Variants in NEMP2 observed in about 807,000 individuals in gnomAD.
The protein encoded by NEMP2 is UPF0571 transmembrane protein.
NEMP2 carries 53 observed loss-of-function variants against 54.2 expected under a neutral mutation model. That is an observed-to-expected ratio of 0.98 (90% CI 0.78 to 1.23). The LOEUF is 1.23. NEMP2 is among the 50% of genes most tolerant of loss of function. NEMP2 has a pLI of 0.00. For synonymous variants in NEMP2, 197 were observed against 190.3 expected (o/e 1.04, Z -0.29); for missense variants, 455 against 511.3 (o/e 0.89, Z 1.06).
upstream of NEMP2, among the ~76,000 whole-genome samples, chr2:190,539,694 G>A (rs559452196): frequency 2.0e-5 from 3 of 152,110 alleles, no homozygotes; most frequent in South Asian, 6.2e-4. The surrounding 1 kb of genome is among the most constrained non-coding windows in gnomAD (Gnocchi z 4.1). Flanking sequence ...AAATGGGATT[G>A]GTTTCTTGAT....
chr2:190,440,304 A>G, the NEMP2 span, among the ~76,000 whole-genome samples: 8 of 152,236 alleles, frequency 5.3e-5, no homozygotes, highest in Non-Finnish European at 1.0e-4. Flanking sequence ...CTGACCTGTC[A>G]GTCTAAACAC....
the NEMP2 span, among the ~76,000 whole-genome samples, chr2:190,433,987 T>TG: frequency 6.6e-6 from 1 of 152,006 alleles, no homozygotes; most frequent in Non-Finnish European, 1.5e-5. The surrounding 1 kb of genome is among the most constrained non-coding windows in gnomAD (Gnocchi z 4.5). Flanking sequence ...GCCCAGGAGT[T>TG]GGAGAACGGC....
chr2:190,485,416 G>A, the NEMP2 span, among the ~76,000 whole-genome samples: 9 of 151,918 alleles, frequency 5.9e-5, no homozygotes, highest in African/African-American at 1.5e-4. This position sits in a 1 kb window ranked among gnomAD's most constrained non-coding sequence, Gnocchi z 5.1. Flanking sequence ...TCAGGTTTTC[G>A]GTAATTCATC....
chr2:190,544,125 T>C, the NEMP2 span, among the ~76,000 whole-genome samples: 1 of 152,202 alleles, frequency 6.6e-6, no homozygotes, highest in Admixed American at 6.5e-5. Context: ...ATTTCTTTCT[T>C]TCAAAAATCC....
the NEMP2 span, among the ~76,000 whole-genome samples, chr2:190,540,250 C>G: frequency 6.6e-6 from 1 of 151,334 alleles, no homozygotes; most frequent in Non-Finnish European, 1.5e-5. Context: ...ACCATCCTTG[C>G]ATTCCTTGGA....
the NEMP2 span, chr2:190,436,058 C>T: frequency 5.3e-5 from 85 of 1,613,302 alleles, no homozygotes; most frequent in Middle Eastern, 4.9e-4. This position sits in a 1 kb window ranked among gnomAD's most constrained non-coding sequence, Gnocchi z 5.3. Flanking sequence ...GCTATCTTAA[C>T]GGATGATGAA....
the NEMP2 span, among the ~76,000 whole-genome samples, chr2:190,540,785 A>G: frequency 4.6e-5 from 7 of 152,194 alleles, no homozygotes; most frequent in Non-Finnish European, 8.8e-5. Flanking sequence ...ATTTTTAAAA[A>G]GAGTTTGAGT....
Position 190,529,573 on chromosome 2 carries a change from C to CAT in NEMP2, c.98-4197_98-4196dup, listed in dbSNP as rs1691068207. On this transcript the variant is annotated intron_variant, in intron 1 of 8. Coordinates refer to ENST00000409150, the MANE Select transcript of NEMP2 (RefSeq NM_001142645.2). The surrounding 1 kb of genome is among the most constrained non-coding windows in gnomAD (Gnocchi z 4.7). ...CCTGCTTTATTCTTTCTTCATATTA[C>CAT]ATATATATTTATTAGCTTATACTCT... 6.6e-6 allele frequency among the ~76,000 whole-genome samples: 1 copy of CAT among 152,186 alleles called. No individual in the cohort carries two copies. Among genetic ancestry groups the CAT allele is most frequent in the South Asian group, 2.1e-4 (1 of 4,832 alleles).
chr2:190,554,241 T>C, the NEMP2 span, among the ~76,000 whole-genome samples: 1 of 152,084 alleles, frequency 6.6e-6, no homozygotes, highest in Non-Finnish European at 1.5e-5. The surrounding 1 kb of genome is among the most constrained non-coding windows in gnomAD (Gnocchi z 5.7). Context: ...TTTGGGCAGA[T>C]ACCGAGCTAG....
chr2:190,643,406 ACT>A, the NEMP2 span, among the ~76,000 whole-genome samples: 2 of 152,186 alleles, frequency 1.3e-5, no homozygotes, highest in Non-Finnish European at 2.9e-5. Context: ...AACCTCCAGC[ACT>A]GACTTGGCTG....
At chr2:190,461,235 GTT>G in the NEMP2 span, among the ~76,000 whole-genome samples, 80 of 152,342 alleles carry the variant, frequency 5.3e-4, no homozygotes, top group African/African-American at 1.8e-3. This position sits in a 1 kb window ranked among gnomAD's most constrained non-coding sequence, Gnocchi z 5.5. Flanking sequence ...TAATGGGTCT[GTT>G]TCTACTGCAT....
downstream of NEMP2, chr2:190,499,684 C>A (rs183471034): frequency 4.9e-6 from 4 of 822,942 alleles, no homozygotes; most frequent in African/African-American, 5.3e-5. The surrounding 1 kb of genome is among the most constrained non-coding windows in gnomAD (Gnocchi z 6.0). Context: ...GCTTGCCCAG[C>A]GACTTGCCAC....
At chr2:190,475,192 A>G in the NEMP2 span, among the ~76,000 whole-genome samples, 2 of 152,046 alleles carry the variant, frequency 1.3e-5, no homozygotes, top group Admixed American at 6.6e-5. Flanking sequence ...CCTATTCAAC[A>G]TAGTGTTGGA....
the NEMP2 span, among the ~76,000 whole-genome samples, chr2:190,572,833 G>GTTCA: frequency 3.6e-3 from 170 of 47,854 alleles, 5 homozygotes; most frequent in African/African-American, 0.014. Context: ...CTTTTCATGA[G>GTTCA]TATATATATA....
chr2:190,647,089 C>A, the NEMP2 span, among the ~76,000 whole-genome samples: 2 of 152,124 alleles, frequency 1.3e-5, no homozygotes, highest in African/African-American at 4.8e-5. Flanking sequence ...TTTAGTAGAA[C>A]AGGATCCACA....
the NEMP2 span, among the ~76,000 whole-genome samples, chr2:190,563,643 C>T: frequency 6.6e-6 from 1 of 152,190 alleles, no homozygotes; most frequent in South Asian, 2.1e-4. This position sits in a 1 kb window ranked among gnomAD's most constrained non-coding sequence, Gnocchi z 4.3. Flanking sequence ...TCAGTGAAAA[C>T]ACACTCCCCA....
the NEMP2 span, among the ~76,000 whole-genome samples, chr2:190,471,754 G>A: frequency 1.3e-5 from 2 of 152,326 alleles, no homozygotes; most frequent in African/African-American, 2.4e-5. This position sits in a 1 kb window ranked among gnomAD's most constrained non-coding sequence, Gnocchi z 4.7. Flanking sequence ...AGTTCTCCCA[G>A]GACGCAGCTT....
the NEMP2 span, among the ~76,000 whole-genome samples, chr2:190,442,035 C>T: frequency 2.0e-5 from 3 of 152,164 alleles, no homozygotes; most frequent in Admixed American, 1.3e-4. Context: ...TAGAATAACT[C>T]AATTATTGAT....
the NEMP2 span, among the ~76,000 whole-genome samples, chr2:190,429,411 C>T: frequency 3.3e-5 from 5 of 151,572 alleles, no homozygotes; most frequent in African/African-American, 4.8e-5. Context: ...CTGCAACCTC[C>T]GTCTCCTGGG....
Sources: allele counts gnomAD v4.1 joint callset (sites outside exome capture counted in the v4.1 genomes callset), GRCh38; gene constraint gnomAD v4.1.1; non-coding constraint Gnocchi (gnomAD v3.1); transcripts MANE v1.5; gene names NCBI Gene and HGNC (gene_info 2026-07-23, HGNC 2026-07-21).